The following KIT variants were observed in gnomAD, a reference collection of about 807,000 sequenced individuals.
KIT encodes KIT proto-oncogene, receptor tyrosine kinase.
In KIT, 16 loss-of-function variants were observed where a neutral mutation model predicts 105.7. That is an observed-to-expected ratio of 0.15 (90% confidence interval 0.10 to 0.23). KIT has a LOEUF of 0.23. Ranked by LOEUF, KIT falls within the 10% of genes least tolerant of loss-of-function variation. The pLI, the probability that KIT is intolerant of heterozygous loss-of-function variation, is 1.00. For synonymous variants in KIT, 438 were observed against 441.1 expected (o/e 0.99, Z 0.09); for missense variants, 858 against 1,213.8 (o/e 0.71, Z 4.36).
At chr4:54,670,553 T>G (rs1718033119) in intron 1 of KIT, among the ~76,000 whole-genome samples, 1 of 152,170 alleles carries the variant, frequency 6.6e-6, no homozygotes, top group Non-Finnish European at 1.5e-5. Context: ...GTATGGCACC[T>G]TGGCATGCAG....
intron 1 of KIT, among the ~76,000 whole-genome samples, chr4:54,692,716 C>T (rs1719793512): frequency 6.6e-6 from 1 of 152,140 alleles, no homozygotes; most frequent in Admixed American, 6.5e-5. Context: ...GAAAATAATC[C>T]TGGCCACTGC....
At chr4:54,686,464 C>T (rs527700481) in intron 1 of KIT, among the ~76,000 whole-genome samples, 1 of 152,264 alleles carries the variant, frequency 6.6e-6, no homozygotes, top group South Asian at 2.1e-4. Flanking sequence ...CAGGCCTGGA[C>T]ATGGGAATAT....
intron 1 of KIT, among the ~76,000 whole-genome samples, chr4:54,669,267 T>G (rs920298254): frequency 6.6e-6 from 1 of 151,514 alleles, no homozygotes; most frequent in Admixed American, 6.6e-5. Context: ...GTTTGTGAGT[T>G]TTTTTAGTAG....
intron 15 of KIT, 96 bp downstream of exon 15, chr4:54,731,515 T>G: frequency 1.1e-6 from 1 of 900,910 alleles, no homozygotes; most frequent in East Asian, 2.5e-5. Context: ...GTAGCAATGA[T>G]GCAGACCAGT....
chr4:54,679,633 A>G (rs1183955523), intron 1 of KIT, among the ~76,000 whole-genome samples: 2 of 152,174 alleles, frequency 1.3e-5, no homozygotes, highest in Non-Finnish European at 2.9e-5. Context: ...TACCCATTAT[A>G]ATGAAAATTA....
chr4:54,738,941 A>G lies in KIT; in HGVS notation c.*384A>G. On this transcript the variant is annotated 3_prime_UTR_variant, in exon 21 of 21. Coordinates refer to ENST00000288135, the MANE Select transcript of KIT (RefSeq NM_000222.3). ...ACAGTTGGCCTTCAGAACCATCCAT[A>G]GTAGTATGATGATACAAGATTAGAA... The G allele has an allele frequency of 3.6e-6, 2 of 556,022 alleles. No homozygotes were observed. Among genetic ancestry groups the G allele is most frequent in the South Asian group, 2.8e-5 (1 of 36,056 alleles). 34.4% of individuals were successfully genotyped at this position (556,022 alleles called of 1,614,324 possible).
At position 54,723,630 on chromosome 4, in the gene KIT, C is replaced by G. The variant is rs777184855; in HGVS notation, c.1278C>G (p.Leu426=). 1.2e-6 allele frequency: 2 copies of G among 1,614,064 alleles called. No homozygotes were observed. The highest frequency in any genetic ancestry group is 1.7e-5 in the Admixed American group (1 of 60,008). ...ACGACAGGCTCGTGAATGGCATGCTCCAATGTGTGGCAGCAGGATTCCCAG... is the reference window on the plus strand; with the variant it reads ...ACGACAGGCTCGTGAATGGCATGCTGCAATGTGTGGCAGCAGGATTCCCAG... ...LTYDRLVNGM[L]QCVAAGFPEP... The change falls in exon 8 of 21, where the codon CTC becomes CTG. Residue 426 remains leucine (L), a synonymous_variant. Coordinates refer to ENST00000288135, the MANE Select transcript of KIT (RefSeq NM_000222.3).
Position 54,699,909 on chromosome 4 carries a change from A to G in KIT, c.756+143A>G, listed in dbSNP as rs11947763. 0.11 allele frequency: 87,910 copies of G among 811,194 alleles called. 6,810 individuals are homozygous for G. The highest frequency in any genetic ancestry group is 0.29 in the African/African-American group (17,061 of 58,242). The allele number at this position is 811,194 out of a possible 1,614,324, so 50.2% of individuals were successfully genotyped here. On this transcript the variant is annotated intron_variant, in intron 4 of 20. Coordinates refer to ENST00000288135, the MANE Select transcript of KIT (RefSeq NM_000222.3). ...GTCTGGGAGAGTGTTGGGATTGCAT[A>G]TTTCCCCCTTTCATACCTCCACATG... is the stretch of plus-strand genomic sequence containing the variant.
At chr4:54,722,833 TTA>T (rs1298176730) in intron 7 of KIT, among the ~76,000 whole-genome samples, 3 of 135,450 alleles carry the variant, frequency 2.2e-5, no homozygotes, top group East Asian at 2.0e-4. Flanking sequence ...ATATATGTAT[TTA>T]TATATATTTA....
intron 1 of KIT, among the ~76,000 whole-genome samples, chr4:54,690,163 G>T (rs1330279879): frequency 6.6e-6 from 1 of 151,532 alleles, no homozygotes; most frequent in Non-Finnish European, 1.5e-5. Flanking sequence ...CATTTGGGTT[G>T]TTTACACCTT....
In KIT at chr4:54,692,200, A is replaced by G. The variant is rs78637136; in HGVS notation, c.68-3312A>G. On this transcript the variant is annotated intron_variant, in intron 1 of 20. Transcript: ENST00000288135. ...AGTGGCAGAGCCAAGATGCAAGTCT[A>G]GACAGTCCTAACTCAAGAGCCAGGC... Among the ~76,000 whole-genome samples the G allele has an allele frequency of 4.5e-3, 693 of 152,350 alleles. 4 individuals are homozygous for G. The highest frequency in any genetic ancestry group is 0.016 in the African/African-American group (649 of 41,584).
Position 54,667,242 on chromosome 4 carries a change from G to A in KIT, c.67+9161G>A, listed in dbSNP as rs1028038400. 3.3e-5 allele frequency among the ~76,000 whole-genome samples: 5 copies of A among 152,064 alleles called. No individual in the cohort carries two copies. In the East Asian group the frequency reaches 5.8e-4, roughly 18 times the overall value. On this transcript the variant is annotated intron_variant, in intron 1 of 20. Transcript: ENST00000288135. Reference sequence around the variant, plus strand: ...TTTTGTGGTCATGGCTCAGTGGCACGTTTGAGATCAGCCCATGGTCCAGTG... The same window carrying A: ...TTTTGTGGTCATGGCTCAGTGGCACATTTGAGATCAGCCCATGGTCCAGTG...
At chr4:54,671,993 T>C (rs1420383255) in intron 1 of KIT, among the ~76,000 whole-genome samples, 1 of 152,154 alleles carries the variant, frequency 6.6e-6, no homozygotes, top group East Asian at 1.9e-4. Flanking sequence ...GATGCCAATG[T>C]CAAACCCTTC....
intron 5 of KIT, among the ~76,000 whole-genome samples, chr4:54,706,462 CTT>C (rs1462728418): frequency 6.6e-6 from 1 of 151,934 alleles, no homozygotes; most frequent in African/African-American, 2.4e-5. Flanking sequence ...ACTATATAGA[CTT>C]TTAAAAATAT....
chr4:54,722,766 T>G (rs1560413626), intron 7 of KIT, among the ~76,000 whole-genome samples: 3 of 149,906 alleles, frequency 2.0e-5, no homozygotes, highest in Non-Finnish European at 4.4e-5. Context: ...AATACCAAAT[T>G]AGAGCATTTC....
chr4:54,728,602 CTG>C (rs1722388206), intron 13 of KIT, among the ~76,000 whole-genome samples: 1 of 152,164 alleles, frequency 6.6e-6, no homozygotes, highest in African/African-American at 2.4e-5. Flanking sequence ...TCAAGGATGT[CTG>C]TGATGTTTGC....
chr4:54,701,923 A>AG (rs1322723397), intron 4 of KIT, among the ~76,000 whole-genome samples: 1 of 152,192 alleles, frequency 6.6e-6, no homozygotes, highest in Non-Finnish European at 1.5e-5. Flanking sequence ...CTCTCTTAGA[A>AG]GGGGGTAGTA....
chr4:54,720,028 C>G (rs1721763883), intron 7 of KIT, among the ~76,000 whole-genome samples: 1 of 152,202 alleles, frequency 6.6e-6, no homozygotes, highest in South Asian at 2.1e-4. Flanking sequence ...CTCACAGATA[C>G]CCACTCATAG....
chr4:54,707,606 A>C (rs1022860804), intron 6 of KIT, among the ~76,000 whole-genome samples: 7 of 152,354 alleles, frequency 4.6e-5, no homozygotes, highest in African/African-American at 1.7e-4. Context: ...GTCTCTTCAG[A>C]GAAAAAGGGA....
Sources: allele counts gnomAD v4.1 joint callset (sites outside exome capture counted in the v4.1 genomes callset), GRCh38; gene constraint gnomAD v4.1.1; transcripts MANE v1.5; gene names NCBI Gene and HGNC (gene_info 2026-07-23, HGNC 2026-07-21).